The following ZNF718 variants were observed in gnomAD, a reference collection of about 807,000 sequenced individuals.
ZNF718 encodes the protein zinc finger protein 718.
Under a neutral mutation model 2.6 loss-of-function variants are expected in ZNF718, and 3 were observed. The ratio of observed to expected loss-of-function variants is 1.16; its 90% confidence interval spans 0.53 to 3.01. The LOEUF (loss-of-function observed/expected upper bound fraction) is 3.01, where lower values mean the gene tolerates loss of function less well. ZNF718 is among the 30% of genes most tolerant of loss of function. The pLI, the probability that ZNF718 is intolerant of heterozygous loss-of-function variation, is 0.03. For synonymous variants in ZNF718, 135 were observed against 77.9 expected (o/e 1.73, Z -3.86); for missense variants, 468 against 230.0 (o/e 2.03, Z -6.69).
chr4:124,912 G>A (rs1171349434), intron 1 of ZNF718: 1 of 476,982 alleles, frequency 2.1e-6, no homozygotes, highest in Admixed American at 3.6e-5. Context: ...TGTGGAGTGA[G>A]TAGGAGCTCA....
At chr4:132,955 G>A (rs1715382181) in intron 3 of ZNF718, among the ~76,000 whole-genome samples, 1 of 97,812 alleles carries the variant, frequency 1.0e-5, no homozygotes, top group Admixed American at 1.2e-4. Flanking sequence ...CGAGGGGGCA[G>A]ATCATGAGGT....
chr4:184,816 T>C (rs1012881456), intron 3 of ZNF718, among the ~76,000 whole-genome samples: 13 of 152,204 alleles, frequency 8.5e-5, no homozygotes, highest in African/African-American at 3.1e-4. Context: ...TTTATAATAT[T>C]CTCTGATTGT....
At chr4:166,965 TA>T (rs1312333438), downstream of ZNF718, among the ~76,000 whole-genome samples, 2 of 152,218 alleles carry the variant, frequency 1.3e-5, no homozygotes, top group African/African-American at 4.8e-5. Context: ...GGTTTTCTTC[TA>T]GGGTTTTTAT....
At chr4:169,733 A>G (rs61794964) in intron 3 of ZNF718, among the ~76,000 whole-genome samples, 30,181 of 151,876 alleles carry the variant, frequency 0.2, 3,185 homozygotes, top group Admixed American at 0.27. Flanking sequence ...TTTTGAGCGT[A>G]TGTGTGCCTC....
intron 3 of ZNF718, among the ~76,000 whole-genome samples, chr4:180,229 CTT>C (rs1230451511): frequency 6.6e-6 from 1 of 152,124 alleles, no homozygotes; most frequent in African/African-American, 2.4e-5. Context: ...GTTACCTACA[CTT>C]TTTTTGTCAG....
At chr4:168,359 C>T (rs1043563987), downstream of ZNF718, among the ~76,000 whole-genome samples, 6 of 152,130 alleles carry the variant, frequency 3.9e-5, no homozygotes, top group African/African-American at 1.4e-4. Context: ...ATGATGCTGG[C>T]CTCATAAAAT....
At chr4:191,762 C>T (rs1249192580) in intron 3 of ZNF718, among the ~76,000 whole-genome samples, 6 of 152,116 alleles carry the variant, frequency 3.9e-5, no homozygotes, top group Admixed American at 6.5e-5. Context: ...TCATCAACAG[C>T]GTTACGGGTG....
chr4:192,784 C>T (rs1717718629), intron 3 of ZNF718, among the ~76,000 whole-genome samples: 1 of 152,200 alleles, frequency 6.6e-6, no homozygotes, highest in Non-Finnish European at 1.5e-5. Context: ...TGTAGTTTTA[C>T]AGCTTCGATT....
chr4:192,201 G>A (rs1219838348), intron 3 of ZNF718, among the ~76,000 whole-genome samples: 1 of 152,150 alleles, frequency 6.6e-6, no homozygotes. Context: ...CGGAACAAAC[G>A]CAGACCAGAA....
At chr4:157,103 C>CTTTTTTTTTTTTTTTTTTTTTTTTTTTTT (rs199814257) in intron 3 of ZNF718, among the ~76,000 whole-genome samples, 12 of 103,144 alleles carry the variant, frequency 1.2e-4, no homozygotes, top group Non-Finnish European at 1.9e-4. Context: ...TTCTTTCTTT[C>CTTTTTTTTTTTTTTTTTTTTTTTTTTTTT]TTTTTTTTTT....
chr4:126,596 C>A (rs1553808067), intron 1 of ZNF718, among the ~76,000 whole-genome samples: 2 of 152,070 alleles, frequency 1.3e-5, no homozygotes, highest in East Asian at 3.9e-4. Context: ...TTGAATATTA[C>A]CAATTAGAAA....
chr4:133,013 C>G (rs1430182407), intron 3 of ZNF718, among the ~76,000 whole-genome samples: 1 of 94,498 alleles, frequency 1.1e-5, no homozygotes, highest in African/African-American at 3.7e-5. Flanking sequence ...CCCATCTCTA[C>G]TAAAAATACA....
rs1190447045 is a variant in ZNF718, at chr4:130,692, A to G, written c.4-96A>G. The G allele has an allele frequency of 2.1e-3, 394 of 185,166 alleles. 127 individuals are homozygous for G. Among genetic ancestry groups the G allele is most frequent in the Non-Finnish European group, 3.6e-3 (356 of 98,804 alleles). 11.5% of individuals were successfully genotyped at this position (185,166 alleles called of 1,614,324 possible). A position where few individuals can be genotyped will look rare whatever the true frequency, so the allele number is the denominator to read the frequency against. ...GGGAGGTGAAGTTTGCAGTGAGCTG[A>G]GACCGTACCACTGCACTCCAGCCTG... On this transcript the variant is annotated intron_variant, in intron 1 of 3. Coordinates refer to ENST00000510175, the MANE Select transcript of ZNF718 (RefSeq NM_001039127.6).
intron 3 of ZNF718, among the ~76,000 whole-genome samples, chr4:195,437 C>T (rs1298786346): frequency 2.0e-5 from 3 of 152,144 alleles, no homozygotes; most frequent in African/African-American, 4.8e-5. Flanking sequence ...TTAGTCTGGT[C>T]GGACCTTTGT....
At chr4:140,710 C>G (rs1715775679) in intron 3 of ZNF718, among the ~76,000 whole-genome samples, 1 of 152,130 alleles carries the variant, frequency 6.6e-6, no homozygotes, top group African/African-American at 2.4e-5. Flanking sequence ...GCTATTGAGT[C>G]TTCATTTATG....
intron 4 of ZNF718, chr4:201,536 C>G (rs1717900501): frequency 6.5e-6 from 1 of 154,422 alleles, no homozygotes; most frequent in Non-Finnish European, 1.5e-5. Context: ...CAGCTGCAGC[C>G]TTCGATATCT....
Position 124,735 on chromosome 4 carries a change from G to A in ZNF718, c.3+62G>A, listed in dbSNP as rs191601946. 7 of 1,596,700 alleles carry A rather than the reference G, an allele frequency of 4.4e-6. No homozygotes were observed. The African/African-American group carries it at 9.3e-5, about 21-fold the overall frequency. On this transcript the variant is annotated intron_variant, in intron 1 of 3. Transcript: ENST00000510175. ...GGCCTCATCGGAACCGGCGGGAAAT[G>A]GCGGCGGTGGGAGGAGTCTGTGAAT...
chr4:178,146 T>C (rs1225699913), intron 3 of ZNF718, among the ~76,000 whole-genome samples: 1 of 151,850 alleles, frequency 6.6e-6, no homozygotes, highest in Non-Finnish European at 1.5e-5. Context: ...ATTTCATTTT[T>C]TTTTTTTTTT....
In ZNF718 at chr4:124,575, G is replaced by C. The variant is rs146810611; in HGVS notation, c.-96G>C. 2.5e-5 allele frequency: 39 copies of C among 1,552,834 alleles called. No individual in the cohort carries two copies. The East Asian group carries it at 7.3e-4, about 29-fold the overall frequency. On this transcript the variant is annotated 5_prime_UTR_variant, in exon 1 of 4. Transcript: ENST00000510175. Reference sequence around the variant, plus strand: ...TGCTCCCGCTCCTTAGGGAAGCCTCGGTGATTCTGCCACAGCCTCAGCCTC... The same window carrying C: ...TGCTCCCGCTCCTTAGGGAAGCCTCCGTGATTCTGCCACAGCCTCAGCCTC...
Sources: allele counts gnomAD v4.1 joint callset (sites outside exome capture counted in the v4.1 genomes callset), GRCh38; gene constraint gnomAD v4.1.1; transcripts MANE v1.5; gene names NCBI Gene and HGNC (gene_info 2026-07-23, HGNC 2026-07-21).